Variants in TMEM117 observed in about 807,000 individuals in gnomAD.
TMEM117 encodes the protein transmembrane protein 117.
TMEM117 carries 27 observed loss-of-function variants against 52.4 expected under a neutral mutation model. The observed-to-expected ratio is 0.51, with a 90% CI of 0.38 to 0.71. The LOEUF (loss-of-function observed/expected upper bound fraction) is 0.71. TMEM117 is among the 30% of genes least tolerant of loss of function. The probability of loss-of-function intolerance (pLI) is 0.00; values close to 1 mark genes in which losing one functional copy is unlikely to be tolerated. For synonymous variants in TMEM117, 215 were observed against 206.3 expected (o/e 1.04, Z -0.36); for missense variants, 556 against 630.5 (o/e 0.88, Z 1.26).
At chr12:44,182,713 A>C (rs1032718645) in intron 4 of TMEM117, among the ~76,000 whole-genome samples, 1 of 152,130 alleles carries the variant, frequency 6.6e-6, no homozygotes, top group African/African-American at 2.4e-5. Context: ...ATTCAGACAT[A>C]TATCCCCTGC....
intron 2 of TMEM117, among the ~76,000 whole-genome samples, chr12:43,942,763 TC>T (rs1945064468): frequency 6.6e-6 from 1 of 152,186 alleles, no homozygotes; most frequent in South Asian, 2.1e-4. Flanking sequence ...GATTATTTCT[TC>T]CTATGCTCAG....
chr12:44,278,223 T>C lies in TMEM117; in HGVS notation c.609-21357T>C, dbSNP rs961220454. Reference sequence around the variant, plus strand: ...CAATCATGAGAGTGATGCCTCATCATATTCATAGGTTCTACTCAGGATTAA... The same window carrying C: ...CAATCATGAGAGTGATGCCTCATCACATTCATAGGTTCTACTCAGGATTAA... On this transcript the variant is annotated intron_variant, in intron 5 of 7. Coordinates refer to ENST00000266534, the MANE Select transcript of TMEM117 (RefSeq NM_032256.3). 5.3e-5 allele frequency among the ~76,000 whole-genome samples: 8 copies of C among 152,318 alleles called. No individual in the cohort carries two copies. In the South Asian group the frequency reaches 1.0e-3, roughly 20 times the overall value.
intron 5 of TMEM117, among the ~76,000 whole-genome samples, chr12:44,232,669 T>G (rs1949948344): frequency 6.6e-6 from 1 of 151,508 alleles, no homozygotes; most frequent in African/African-American, 2.4e-5. Flanking sequence ...TTATTGAGAC[T>G]ATAGATCAAT....
intron 3 of TMEM117, among the ~76,000 whole-genome samples, chr12:43,951,809 C>T (rs1268525332): frequency 1.3e-5 from 2 of 152,200 alleles, no homozygotes; most frequent in Non-Finnish European, 2.9e-5. Flanking sequence ...ACTGCCTCCT[C>T]AAGAGGGTCC....
chr12:44,324,053 G>C (rs981218554), intron 6 of TMEM117, among the ~76,000 whole-genome samples: 2 of 151,838 alleles, frequency 1.3e-5, no homozygotes, highest in Admixed American at 1.3e-4. Flanking sequence ...AATTTTAATG[G>C]TATTTAGAGA....
intron 6 of TMEM117, among the ~76,000 whole-genome samples, chr12:44,330,335 G>T (rs1951253059): frequency 6.6e-6 from 1 of 151,846 alleles, no homozygotes; most frequent in African/African-American, 2.4e-5. Context: ...AATAACCCTA[G>T]AAGCCTCCTG....
chr12:44,294,640 T>C (rs1201579854), intron 5 of TMEM117, among the ~76,000 whole-genome samples: 2 of 152,230 alleles, frequency 1.3e-5, no homozygotes, highest in Non-Finnish European at 2.9e-5. Context: ...ATTGCCAGCA[T>C]CACTACTCTT....
At chr12:44,314,818 G>A (rs569454943) in intron 6 of TMEM117, among the ~76,000 whole-genome samples, 1 of 152,220 alleles carries the variant, frequency 6.6e-6, no homozygotes, top group East Asian at 1.9e-4. Context: ...TTTTGAAATA[G>A]TTTCAATAGA....
chr12:44,043,648 C>A (rs1036046580), intron 3 of TMEM117, among the ~76,000 whole-genome samples: 9 of 152,164 alleles, frequency 5.9e-5, no homozygotes, highest in African/African-American at 1.9e-4. Context: ...AATGTTGATT[C>A]TCCTCAGAAG....
chr12:44,081,506 G>C (rs1947480705), intron 3 of TMEM117, among the ~76,000 whole-genome samples: 1 of 152,254 alleles, frequency 6.6e-6, no homozygotes, highest in East Asian at 1.9e-4. Flanking sequence ...AGAAGCGTCT[G>C]TGTTCTGTGA....
intron 5 of TMEM117, among the ~76,000 whole-genome samples, chr12:44,274,948 G>T (rs1012279864): frequency 5.3e-5 from 8 of 152,030 alleles, no homozygotes; most frequent in African/African-American, 1.9e-4. Flanking sequence ...GGAAAAGTTG[G>T]CAAATGGGAT....
intron 3 of TMEM117, among the ~76,000 whole-genome samples, chr12:43,980,397 C>T (rs1945741385): frequency 6.6e-6 from 1 of 152,086 alleles, no homozygotes; most frequent in African/African-American, 2.4e-5. Flanking sequence ...ATCTAGCGTA[C>T]CTTCTTCTAG....
In TMEM117 at chr12:44,028,090, G is replaced by A. The variant is rs555811486; in HGVS notation, c.410+83748G>A. Among the ~76,000 whole-genome samples, 175 of 152,332 alleles carry A rather than the reference G, an allele frequency of 1.1e-3. 2 individuals carry two copies. Among genetic ancestry groups the A allele is most frequent in the Non-Finnish European group, 1.0e-3 (71 of 68,036 alleles). On this transcript the variant is annotated intron_variant, in intron 3 of 7. Coordinates refer to ENST00000266534, the MANE Select transcript of TMEM117 (RefSeq NM_032256.3). Reference sequence around the variant, plus strand: ...CACCTGTAGTCCCAGCTACTCGGGAGGCTGAGGCAGAAGAATGGTGTGAAT... The same window carrying A: ...CACCTGTAGTCCCAGCTACTCGGGAAGCTGAGGCAGAAGAATGGTGTGAAT...
intron 3 of TMEM117, among the ~76,000 whole-genome samples, chr12:44,104,606 C>CTATATATA (rs1947920935): frequency 6.6e-6 from 1 of 151,940 alleles, no homozygotes; most frequent in Non-Finnish European, 1.5e-5. Flanking sequence ...AGTTTCTGAC[C>CTATATATA]TATATACTTT....
rs1235302145 is a variant in TMEM117 at position 44,389,673 on chromosome 12, TTAA to T, written c.*1003_*1005del. The T allele has an allele frequency of 2.0e-5, 3 of 152,614 alleles. No homozygotes were observed. The highest frequency in any genetic ancestry group is 1.3e-4 in the Admixed American group (2 of 15,250). 9.5% of individuals were successfully genotyped at this position (152,614 alleles called of 1,614,324 possible). ...AGAAGCCGTGCATGAAAGAATTTGTTTAATGTCTTGTTTTGCGTATGTGTTTTT... is the reference window on the plus strand; with the variant it reads ...AGAAGCCGTGCATGAAAGAATTTGTTTGTCTTGTTTTGCGTATGTGTTTTT... On this transcript the variant is annotated 3_prime_UTR_variant, in exon 8 of 8. Coordinates refer to ENST00000266534, the MANE Select transcript of TMEM117 (RefSeq NM_032256.3).
chr12:44,151,421 C>T (rs1389374321), intron 4 of TMEM117, among the ~76,000 whole-genome samples: 2 of 150,650 alleles, frequency 1.3e-5, no homozygotes, highest in African/African-American at 2.4e-5. Context: ...AGGTTTGTTA[C>T]ATATGTATAT....
chr12:44,081,978 A>G (rs1478212133), intron 3 of TMEM117, among the ~76,000 whole-genome samples: 1 of 151,942 alleles, frequency 6.6e-6, no homozygotes, highest in African/African-American at 2.4e-5. Flanking sequence ...GGTATAACAG[A>G]AAAACTCCCC....
rs557014868 is a variant in TMEM117 at position 44,147,902 on chromosome 12, A to G, written c.510+4278A>G. The stretch of plus-strand genomic sequence containing the variant: ...AGCTGAGATTGTGCCACTGCACTCC[A>G]GCCTGGGTGATAGAGCGAGACTCTG... On this transcript the variant is annotated intron_variant, in intron 4 of 7. Coordinates refer to ENST00000266534, the MANE Select transcript of TMEM117 (RefSeq NM_032256.3). Among the ~76,000 whole-genome samples, 13 of 151,512 alleles carry G rather than the reference A, an allele frequency of 8.6e-5. 1 individual carries two copies. The South Asian group carries it at 2.7e-3, about 32-fold the overall frequency.
At chr12:44,188,167 A>G (rs1015011137) in intron 4 of TMEM117, among the ~76,000 whole-genome samples, 1 of 152,074 alleles carries the variant, frequency 6.6e-6, no homozygotes, top group Non-Finnish European at 1.5e-5. Context: ...GTCCATATCT[A>G]TTATCTATTG....
Sources: gnomAD v4.1 joint callset for allele counts (sites outside exome capture counted in the v4.1 genomes callset) on GRCh38, gnomAD v4.1.1 for gene constraint, MANE v1.5 for transcripts, NCBI Gene and HGNC (gene_info 2026-07-23, HGNC 2026-07-21) for gene names.